HS6ST2: variants seen among roughly 807,000 people sequenced by gnomAD.
HS6ST2 encodes the protein heparan sulfate 6-O-sulfotransferase 2, also known as heparan-sulfate 6-O-sulfotransferase 2.
A neutral mutation model predicts 33.0 loss-of-function variants in HS6ST2; 17 were observed. That is an observed-to-expected ratio of 0.52 (90% CI 0.35 to 0.77). The LOEUF is 0.77. Among genes scored for constraint, HS6ST2 ranks in the 30% least tolerant of loss-of-function variants. HS6ST2 has a pLI of 0.01. For synonymous variants in HS6ST2, 248 were observed against 237.1 expected, an observed-to-expected ratio of 1.05 and a Z score of -0.42; for missense variants, 519 against 551.7, an observed-to-expected ratio of 0.94 and a Z score of 0.59.
intron 2 of HS6ST2, among the ~76,000 whole-genome samples, chrX:132,892,648 G>A (rs919956028): frequency 1.5e-4 from 17 of 111,485 alleles, no homozygotes; most frequent in African/African-American, 3.6e-4. Context: ...GTGAAACCCC[G>A]TCTCTACTAA....
chrX:132,626,224 C>G lies in HS6ST2; in HGVS notation c.*1999G>C, dbSNP rs183011584. 3.0e-4 allele frequency: 34 copies of G among 112,250 alleles called. 1 individual carries two copies. In the Middle Eastern group the frequency reaches 0.023, roughly 76 times the overall value. 9.3% of individuals were successfully genotyped at this position (112,250 alleles called of 1,213,427 possible). A position where few individuals can be genotyped will look rare whatever the true frequency, so the allele number is the denominator to read the frequency against. ...CTTAATCTTTGCAAATCATGCACACCACAGCAATAACACAAAATGTTTTTT... is the reference window on the plus strand; with the variant it reads ...CTTAATCTTTGCAAATCATGCACACGACAGCAATAACACAAAATGTTTTTT... On this transcript the variant is annotated 3_prime_UTR_variant, in exon 5 of 5. Transcript: ENST00000370833.
chrX:132,675,245 A>C (rs987376127), intron 3 of HS6ST2, among the ~76,000 whole-genome samples: 1 of 110,558 alleles, frequency 9.0e-6, no homozygotes, highest in Non-Finnish European at 1.9e-5. Flanking sequence ...ATGTGCGGTC[A>C]TTGCTCCAAA....
chrX:132,883,884 A>G (rs1024439229), intron 2 of HS6ST2, among the ~76,000 whole-genome samples: 1 of 112,057 alleles, frequency 8.9e-6, no homozygotes, highest in African/African-American at 3.2e-5. Context: ...AGACCAGGAC[A>G]TTCTTTTTGT....
chrX:132,803,165 C>T (rs1217037955), intron 2 of HS6ST2, among the ~76,000 whole-genome samples: 2 of 111,707 alleles, frequency 1.8e-5, no homozygotes, highest in African/African-American at 6.5e-5. Context: ...CCTTTGTTTG[C>T]CCCTTATTGG....
chrX:132,828,844 G>A (rs2065557042), intron 2 of HS6ST2, among the ~76,000 whole-genome samples: 1 of 101,069 alleles, frequency 9.9e-6, no homozygotes, highest in African/African-American at 3.6e-5. Context: ...TATAATTTAA[G>A]TATATAAATA....
At chrX:132,850,749 C>CACACACACAT (rs60585086) in intron 2 of HS6ST2, among the ~76,000 whole-genome samples, 3 of 110,873 alleles carry the variant, frequency 2.7e-5, no homozygotes, top group African/African-American at 9.9e-5. Flanking sequence ...CACACACACA[C>CACACACACAT]GCTCCCACAT....
In HS6ST2 at chrX:132,806,203, A is replaced by C. The variant is rs755961182; in HGVS notation, c.948-97709T>G. Among the ~76,000 whole-genome samples, 12 of 110,500 alleles carry C rather than the reference A, an allele frequency of 1.1e-4. 1 individual carries two copies. Among genetic ancestry groups the C allele is most frequent in the Non-Finnish European group, 2.3e-4 (12 of 52,257 alleles). On this transcript the variant is annotated intron_variant, in intron 2 of 4. Coordinates refer to ENST00000370833, the MANE Select transcript of HS6ST2 (RefSeq NM_001394073.1). ...GCAGAGAAGGTACTGATAGAGGAAAAGAAAACAAGAGAATCTGTAAATTCT... is the reference window on the plus strand; with the variant it reads ...GCAGAGAAGGTACTGATAGAGGAAACGAAAACAAGAGAATCTGTAAATTCT...
At chrX:132,928,496 G>C (rs1340416888) in intron 2 of HS6ST2, among the ~76,000 whole-genome samples, 3 of 105,015 alleles carry the variant, frequency 2.9e-5, no homozygotes, top group Admixed American at 1.1e-4. Context: ...ATTCATGAGG[G>C]ATCTGCCTCC....
chrX:132,922,481 C>G (rs964228045), intron 2 of HS6ST2, among the ~76,000 whole-genome samples: 3 of 111,979 alleles, frequency 2.7e-5, no homozygotes, highest in African/African-American at 6.5e-5. Context: ...GGCCATGGTC[C>G]TTATCCAAAT....
At chrX:132,669,340 C>A (rs114281785) in intron 3 of HS6ST2, 141 bp from the exon 4 acceptor site, 6 of 418,526 alleles carry the variant, frequency 1.4e-5, no homozygotes, top group Non-Finnish European at 2.4e-5. Context: ...CTCTCTCTCT[C>A]TCTCTCCTGT....
At chrX:132,722,579 A>G (rs2064343948) in intron 2 of HS6ST2, among the ~76,000 whole-genome samples, 2 of 112,385 alleles carry the variant, frequency 1.8e-5, no homozygotes, top group Admixed American at 1.9e-4. Flanking sequence ...GTGTTTTTGT[A>G]AAACAACTCT....
intron 2 of HS6ST2, among the ~76,000 whole-genome samples, chrX:132,794,459 T>C (rs1273786384): frequency 9.0e-6 from 1 of 110,624 alleles, no homozygotes; most frequent in African/African-American, 3.3e-5. Flanking sequence ...AGTGGCATGA[T>C]CATGGCTCAC....
intron 2 of HS6ST2, among the ~76,000 whole-genome samples, chrX:132,859,744 G>A (rs1183703639): frequency 2.3e-5 from 2 of 85,387 alleles, no homozygotes; most frequent in South Asian, 1.7e-3. Flanking sequence ...GAGGGAGCGA[G>A]AAAGAAAGGA....
At chrX:132,634,589 C>A (rs765669435) in intron 4 of HS6ST2, among the ~76,000 whole-genome samples, 1 of 111,954 alleles carries the variant, frequency 8.9e-6, no homozygotes, top group South Asian at 3.8e-4. Flanking sequence ...CTCTGGGTGG[C>A]CTTGGACCAA....
At chrX:132,837,238 C>A (rs2065652867) in intron 2 of HS6ST2, among the ~76,000 whole-genome samples, 1 of 111,831 alleles carries the variant, frequency 8.9e-6, no homozygotes, top group African/African-American at 3.3e-5. Context: ...TCCAATGACT[C>A]ATTACCCAGG....
At chrX:132,768,224 C>G (rs2064866801) in intron 2 of HS6ST2, among the ~76,000 whole-genome samples, 1 of 107,407 alleles carries the variant, frequency 9.3e-6, no homozygotes, top group South Asian at 4.3e-4. Context: ...TTAGTCCCAG[C>G]TACTCGGGGG....
chrX:132,951,872 A>G (rs1367935629), intron 2 of HS6ST2, among the ~76,000 whole-genome samples: 2 of 112,434 alleles, frequency 1.8e-5, no homozygotes, highest in Non-Finnish European at 3.8e-5. Flanking sequence ...TTGATTTTCA[A>G]ATTGTTTTCA....
At chrX:132,944,885 T>C (rs1258695842) in intron 2 of HS6ST2, among the ~76,000 whole-genome samples, 28 of 111,396 alleles carry the variant, frequency 2.5e-4, no homozygotes, top group African/African-American at 8.2e-4. Flanking sequence ...ATGTTAGACC[T>C]AAAACCATAA....
chrX:132,749,618 G>A (rs182222678), intron 2 of HS6ST2, among the ~76,000 whole-genome samples: 145 of 112,243 alleles, frequency 1.3e-3, no homozygotes, highest in African/African-American at 4.5e-3. Context: ...ACACCCCTGA[G>A]CCGCAGGCCA....
Sources: gnomAD v4.1 joint callset for allele counts (sites outside exome capture counted in the v4.1 genomes callset) on GRCh38, gnomAD v4.1.1 for gene constraint, MANE v1.5 for transcripts, NCBI Gene and HGNC (gene_info 2026-07-23, HGNC 2026-07-21) for gene names.